Variants in NRCAM observed in about 807,000 individuals in gnomAD.
The protein encoded by NRCAM is neuronal cell adhesion molecule.
In NRCAM, 83 loss-of-function variants were observed where a neutral mutation model predicts 156.5. The observed-to-expected ratio is 0.53, with a 90% CI of 0.44 to 0.64. NRCAM has a LOEUF of 0.64. Ranked by LOEUF, NRCAM falls within the 30% of genes least tolerant of loss-of-function variation. The pLI, the probability that NRCAM is intolerant of heterozygous loss-of-function variation, is 0.00. For synonymous variants in NRCAM, 538 were observed against 563.9 expected (o/e 0.95, Z 0.65); for missense variants, 1,417 against 1,597.3 (o/e 0.89, Z 1.92).
chr7:108,191,309 T>A, intron 18 of NRCAM, 26 bp from the exon 19 acceptor site: 1 of 1,563,564 alleles, frequency 6.4e-7, no homozygotes, highest in Non-Finnish European at 8.7e-7. Context: ...ATATAAAGGA[T>A]TTTAATCAAA....
rs971473743 is a variant in NRCAM, at chr7:108,436,033, C to A, written c.-332+20210G>T. Among the ~76,000 whole-genome samples, 12 of 152,334 alleles carry A rather than the reference C, an allele frequency of 7.9e-5. No homozygotes were observed. In the East Asian group the frequency reaches 9.7e-4, roughly 12 times the overall value. On this transcript the variant is annotated intron_variant, in intron 1 of 32. Transcript: ENST00000379028. ...CCTGTAGTCCCAGCTACTCGGGAGG[C>A]TGAGGCAGGAGAATGGCGTGAGCCC...
At chr7:108,427,941 C>T (rs1050172986) in intron 1 of NRCAM, among the ~76,000 whole-genome samples, 5 of 152,144 alleles carry the variant, frequency 3.3e-5, no homozygotes, top group Non-Finnish European at 5.9e-5. Flanking sequence ...GGCCTCATAA[C>T]CTGCCAATTA....
chr7:108,338,657 C>T (rs1480863407), intron 2 of NRCAM, among the ~76,000 whole-genome samples: 2 of 149,854 alleles, frequency 1.3e-5, no homozygotes, highest in Non-Finnish European at 3.0e-5. Flanking sequence ...GAGAAAGAGG[C>T]AGAGAGACAA....
rs77936750 is a variant in NRCAM, at chr7:108,418,643, T to C, written c.-331-19050A>G. Among the ~76,000 whole-genome samples the C allele has an allele frequency of 5.2e-3, 784 of 151,900 alleles. 7 individuals carry two copies. Among genetic ancestry groups the C allele is most frequent in the African/African-American group, 0.017 (706 of 41,438 alleles). ...CACTAAGTATATATATATTCACCCA[T>C]GTGTGAACAATTATTGAGCACGTAA... is the stretch of plus-strand genomic sequence containing the variant. On this transcript the variant is annotated intron_variant, in intron 1 of 32. Transcript: ENST00000379028.
At chr7:108,186,005 T>C (rs772872217) in intron 20 of NRCAM, among the ~76,000 whole-genome samples, 17 of 152,182 alleles carry the variant, frequency 1.1e-4, no homozygotes, top group Non-Finnish European at 1.8e-4. Context: ...GGAAGACATA[T>C]TTTTCAGTGC....
At chr7:108,309,736 A>G (rs2098773881) in intron 3 of NRCAM, among the ~76,000 whole-genome samples, 1 of 152,130 alleles carries the variant, frequency 6.6e-6, no homozygotes, top group African/African-American at 2.4e-5. Flanking sequence ...ATGCATCTGT[A>G]ATTGTAGCTA....
At chr7:108,207,396 G>C (rs962864273) in intron 13 of NRCAM, 132 bp downstream of exon 13, 1 of 754,168 alleles carries the variant, frequency 1.3e-6, no homozygotes, top group African/African-American at 1.8e-5. Context: ...AAGGTAATTT[G>C]GTGCCTGTGT....
intron 28 of NRCAM, among the ~76,000 whole-genome samples, chr7:108,171,829 G>A (rs1475838155): frequency 6.6e-6 from 1 of 152,166 alleles, no homozygotes; most frequent in East Asian, 1.9e-4. Flanking sequence ...GACATTCACT[G>A]TTGAACTGAT....
intron 5 of NRCAM, among the ~76,000 whole-genome samples, chr7:108,235,106 A>T (rs2094795703): frequency 6.6e-6 from 1 of 152,204 alleles, no homozygotes; most frequent in Non-Finnish European, 1.5e-5. Flanking sequence ...TTAGGTCATT[A>T]GTGTGTGCTC....
At chr7:108,170,996 T>A (rs1426114903) in intron 28 of NRCAM, among the ~76,000 whole-genome samples, 1 of 152,212 alleles carries the variant, frequency 6.6e-6, no homozygotes, top group East Asian at 1.9e-4. Flanking sequence ...AATTTGCATT[T>A]AGCTTATTCT....
chr7:108,337,198 G>C (rs1281129559), intron 2 of NRCAM, among the ~76,000 whole-genome samples: 1 of 151,580 alleles, frequency 6.6e-6, no homozygotes, highest in Non-Finnish European at 1.5e-5. Flanking sequence ...GGGAGGCGGA[G>C]GTTGCAGTGA....
chr7:108,286,698 C>T (rs983689006), intron 3 of NRCAM, among the ~76,000 whole-genome samples: 1 of 152,106 alleles, frequency 6.6e-6, no homozygotes, highest in Non-Finnish European at 1.5e-5. Context: ...ATAATTCAGA[C>T]ACGATCAGGC....
intron 2 of NRCAM, among the ~76,000 whole-genome samples, chr7:108,337,498 G>C (rs751181836): frequency 7.9e-5 from 12 of 152,118 alleles, no homozygotes; most frequent in Non-Finnish European, 1.6e-4. Context: ...CTGATCCAGC[G>C]AGGGGCCCAT....
At chr7:108,313,076 A>T (rs943023080) in intron 2 of NRCAM, 3 of 152,044 alleles carry the variant, frequency 2.0e-5, no homozygotes, top group African/African-American at 7.2e-5. Context: ...GCTTATTATT[A>T]TTATTATTTA....
chr7:108,413,036 T>A (rs899698004), intron 1 of NRCAM, among the ~76,000 whole-genome samples: 3 of 152,222 alleles, frequency 2.0e-5, no homozygotes. Flanking sequence ...TCATTTTTTT[T>A]GGACATATGC....
intron 3 of NRCAM, among the ~76,000 whole-genome samples, chr7:108,307,876 G>T (rs1466444807): frequency 6.6e-6 from 1 of 152,148 alleles, no homozygotes; most frequent in Non-Finnish European, 1.5e-5. Context: ...ATGGCCAGAT[G>T]CTGGAAGGAA....
At chr7:108,450,291 T>G (rs1848897934) in intron 1 of NRCAM, among the ~76,000 whole-genome samples, 1 of 151,816 alleles carries the variant, frequency 6.6e-6, no homozygotes, top group Non-Finnish European at 1.5e-5. Context: ...AGCTTCTTAG[T>G]CACTTGATGG....
intron 1 of NRCAM, among the ~76,000 whole-genome samples, chr7:108,429,241 G>A (rs928558824): frequency 2.0e-5 from 3 of 151,900 alleles, no homozygotes; most frequent in Non-Finnish European, 4.4e-5. Flanking sequence ...ACCCAGGCTG[G>A]AGTGCAATGG....
Position 108,378,020 on chromosome 7 carries a change from C to T in NRCAM, c.-174+21416G>A, listed in dbSNP as rs6972769. ...CTTAAATCTTCTACAAAGATATGCACCCTCATAGCAGACCTTACAGAATTC... is the reference window on the plus strand; with the variant it reads ...CTTAAATCTTCTACAAAGATATGCATCCTCATAGCAGACCTTACAGAATTC... On this transcript the variant is annotated intron_variant, in intron 2 of 32. Coordinates refer to ENST00000379028, the MANE Select transcript of NRCAM (RefSeq NM_001037132.4). Among the ~76,000 whole-genome samples, 1,055 of 152,184 alleles carry T rather than the reference C, an allele frequency of 6.9e-3. 16 individuals carry two copies. The highest frequency in any genetic ancestry group is 0.024 in the African/African-American group (1,005 of 41,518).
Sources: gnomAD v4.1 joint callset for allele counts (sites outside exome capture counted in the v4.1 genomes callset) on GRCh38, gnomAD v4.1.1 for gene constraint, MANE v1.5 for transcripts, NCBI Gene and HGNC (gene_info 2026-07-23, HGNC 2026-07-21) for gene names.